MARCKS: variants seen among roughly 807,000 people sequenced by gnomAD.
The protein encoded by MARCKS is myristoylated alanine-rich C-kinase substrate.
A neutral mutation model predicts 6.3 loss-of-function variants in MARCKS; 4 were observed. That is an observed-to-expected ratio of 0.63 (90% CI 0.31 to 1.45). The LOEUF (loss-of-function observed/expected upper bound fraction) is 1.45. Ranked by LOEUF, MARCKS falls within the 40% of genes most tolerant of loss-of-function variation. MARCKS has a pLI of 0.07. For missense variants in MARCKS, 636 were observed against 485.7 expected (o/e 1.31, Z -2.91); for synonymous variants, 289 against 236.5 (o/e 1.22, Z -2.04).
At position 113,862,416 on chromosome 6, in the gene MARCKS, C is replaced by CTTTTTT. The variant is rs57774858; in HGVS notation, c.*1850_*1855dup. The CTTTTTT allele has an allele frequency of 9.5e-6, 1 of 105,546 alleles. No individual in the cohort carries two copies. Among genetic ancestry groups the CTTTTTT allele is most frequent in the South Asian group, 3.0e-4 (1 of 3,356 alleles). The allele number at this position is 105,546 out of a possible 1,614,324, so 6.5% of individuals were successfully genotyped here. ...GGCCTTTAGCATAGTTTTAAGCATC[C>CTTTTTT]TTTTTTTTTTTTTTTTTTGAAAGTG... On this transcript the variant is annotated 3_prime_UTR_variant, in exon 2 of 2. Transcript: ENST00000612661.
At position 113,860,735 on chromosome 6, in the gene MARCKS, GTTGTT is replaced by G. The variant is rs1774888120; in HGVS notation, c.*159_*163del. 1.4e-5 allele frequency: 6 copies of G among 420,014 alleles called. No individual in the cohort carries two copies. In the Admixed American group the frequency reaches 1.8e-4, roughly 13 times the overall value. 26.0% of individuals were successfully genotyped at this position (420,014 alleles called of 1,614,324 possible). A position where few individuals can be genotyped will look rare whatever the true frequency, so the allele number is the denominator to read the frequency against. On this transcript the variant is annotated 3_prime_UTR_variant, in exon 2 of 2. Coordinates refer to ENST00000612661, the MANE Select transcript of MARCKS (RefSeq NM_002356.7). ...TACTTTTTTTTAAGCACCAAATTTT[GTTGTT>G]TTTTTTTTTTCTCCCCTCCCCACAG...
Position 113,860,160 on chromosome 6 carries a change from G to A in MARCKS, c.580G>A (p.Asp194Asn), listed in dbSNP as rs750659608. 187 of 1,386,140 alleles carry A rather than the reference G, an allele frequency of 1.3e-4. No individual in the cohort carries two copies. The highest frequency in any genetic ancestry group is 1.8e-4 in the South Asian group (12 of 64,880). The allele number at this position is 1,386,140 out of a possible 1,614,324, so 85.9% of individuals were successfully genotyped here. ...AEAPAAEGGK[D>N]EAAGGAAAAA... Reference sequence around the variant, plus strand: ...GGCGCCCGCTGCCGAAGGCGGCAAGGACGAGGCCGCCGGGGGCGCAGCTGC... The same window carrying A: ...GGCGCCCGCTGCCGAAGGCGGCAAGAACGAGGCCGCCGGGGGCGCAGCTGC... The change falls in exon 2 of 2, where the codon GAC becomes AAC. Residue 194 changes from aspartate (D) to asparagine (N), a missense_variant. Transcript: ENST00000612661.
At position 113,859,804 on chromosome 6, in the gene MARCKS, C is replaced by T; in HGVS notation, c.224C>T (p.Ala75Val). 2 of 1,363,124 alleles carry T rather than the reference C, an allele frequency of 1.5e-6. No individual in the cohort carries two copies. The highest frequency in any genetic ancestry group is 1.7e-5 in the South Asian group (1 of 58,464). The allele number at this position is 1,363,124 out of a possible 1,614,324, so 84.4% of individuals were successfully genotyped here. A position where few individuals can be genotyped will look rare whatever the true frequency, so the allele number is the denominator to read the frequency against. Reference sequence around the variant, plus strand: ...GCCGACAAGGAGGAGCCCGCGGCCGCCGGGAGCGGGGCGGCGTCGCCCTCC... The same window carrying T: ...GCCGACAAGGAGGAGCCCGCGGCCGTCGGGAGCGGGGCGGCGTCGCCCTCC... ...PAADKEEPAA[A>V]GSGAASPSAA... The change falls in exon 2 of 2, where the codon GCC becomes GTC. Residue 75 changes from alanine (A) to valine (V), a missense_variant. Ala to Val is a moderately conservative substitution (Grantham distance 64). Transcript: ENST00000612661.
chr6:113,860,471 C>A lies in MARCKS; in HGVS notation c.891C>A (p.Pro297=). 4.2e-6 allele frequency: 6 copies of A among 1,440,872 alleles called. No individual in the cohort carries two copies. Among genetic ancestry groups the A allele is most frequent in the Non-Finnish European group, 5.5e-6 (6 of 1,088,758 alleles). 89.3% of individuals were successfully genotyped at this position (1,440,872 alleles called of 1,614,324 possible). A position where few individuals can be genotyped will look rare whatever the true frequency, so the allele number is the denominator to read the frequency against. The part of the protein sequence containing the change: ...PGAPPEQEAA[P]AEEPAAAAAS... ...CGCCCCCGGAGCAGGAGGCAGCCCC[C>A]GCGGAGGAGCCCGCGGCCGCCGCAG... Residue 297 remains proline, a synonymous_variant, in exon 2 of 2, where the codon CCC becomes CCA. Coordinates refer to ENST00000612661, the MANE Select transcript of MARCKS (RefSeq NM_002356.7).
chr6:113,860,145 G>T lies in MARCKS; in HGVS notation c.565G>T (p.Ala189Ser), dbSNP rs1240071483. ...GEGGEAEAPAAEGGKDEAAGG... is the reference protein window; with the variant it reads ...GEGGEAEAPASEGGKDEAAGG... ...AGGCGGTGAGGCTGAGGCGCCCGCT[G>T]CCGAAGGCGGCAAGGACGAGGCCGC... Residue 189 changes from alanine to serine, a missense_variant, in exon 2 of 2, where the codon GCC becomes TCC. Physicochemically the swap from Ala to Ser is moderately conservative, Grantham distance 99. Coordinates refer to ENST00000612661, the MANE Select transcript of MARCKS (RefSeq NM_002356.7). 2.1e-6 allele frequency: 3 copies of T among 1,459,870 alleles called. No homozygotes were observed. In the South Asian group the frequency reaches 3.9e-5, roughly 19 times the overall value. The allele number at this position is 1,459,870 out of a possible 1,614,324, so 90.4% of individuals were successfully genotyped here.
Position 113,860,730 on chromosome 6 carries a change from A to AT in MARCKS, c.*155dup. 1 of 477,806 alleles carries AT rather than the reference A, an allele frequency of 2.1e-6. No individual in the cohort carries two copies. The highest frequency in any genetic ancestry group is 3.4e-6 in the Non-Finnish European group (1 of 293,910). 29.6% of individuals were successfully genotyped at this position (477,806 alleles called of 1,614,324 possible). On this transcript the variant is annotated 3_prime_UTR_variant, in exon 2 of 2. Transcript: ENST00000612661. ...TATTTTACTTTTTTTTAAGCACCAA[A>AT]TTTTGTTGTTTTTTTTTTTTCTCCC... is the stretch of plus-strand genomic sequence containing the variant.
At chr6:113,859,221 C>T (rs934358247) in intron 1 of MARCKS, among the ~76,000 whole-genome samples, 2 of 152,198 alleles carry the variant, frequency 1.3e-5, no homozygotes, top group Non-Finnish European at 2.9e-5. Context: ...TTTGAAGAGG[C>T]CTTTATGTAT....
At chr6:113,859,049 C>G (rs952697264) in intron 1 of MARCKS, among the ~76,000 whole-genome samples, 7 of 152,030 alleles carry the variant, frequency 4.6e-5, no homozygotes, top group Non-Finnish European at 7.4e-5. Flanking sequence ...CGGGGTGGCC[C>G]GGCGACTCCG....
chr6:113,863,218 T>C lies in MARCKS; in HGVS notation c.*2639T>C, dbSNP rs45448797. The stretch of plus-strand genomic sequence containing the variant: ...GATTAAATGAAATTTGACGTATCTT[T>C]TCATCCAAAGTTTTGTACATCATGT... On this transcript the variant is annotated 3_prime_UTR_variant, in exon 2 of 2. Coordinates refer to ENST00000612661, the MANE Select transcript of MARCKS (RefSeq NM_002356.7). 128 of 152,344 alleles carry C rather than the reference T, an allele frequency of 8.4e-4. 1 individual carries two copies. The highest frequency in any genetic ancestry group is 3.0e-3 in the African/African-American group (124 of 41,594). 9.4% of individuals were successfully genotyped at this position (152,344 alleles called of 1,614,324 possible).
chr6:113,860,489 C>T lies in MARCKS; in HGVS notation c.909C>T (p.Ala303=). 1 of 1,497,860 alleles carries T rather than the reference C, an allele frequency of 6.7e-7. No homozygotes were observed. The highest frequency in any genetic ancestry group is 1.8e-4 in the Middle Eastern group (1 of 5,564). The allele number at this position is 1,497,860 out of a possible 1,614,324, so 92.8% of individuals were successfully genotyped here. The change falls in exon 2 of 2, where the codon GCC becomes GCT. Residue 303 remains alanine, a synonymous_variant. Coordinates refer to ENST00000612661, the MANE Select transcript of MARCKS (RefSeq NM_002356.7). ...QEAAPAEEPA[A]AAASSACAAP... is the part of the protein sequence containing the mutation. ...CAGCCCCCGCGGAGGAGCCCGCGGC[C>T]GCCGCAGCCTCGTCAGCCTGCGCAG...
In MARCKS at chr6:113,859,856, C is replaced by T. The variant is rs1049703185; in HGVS notation, c.276C>T (p.Ala92=). The change falls in exon 2 of 2, where the codon GCC becomes GCT. Residue 92 remains alanine (A), a synonymous_variant. Coordinates refer to ENST00000612661, the MANE Select transcript of MARCKS (RefSeq NM_002356.7). ...PSAAEKGEPA[A]AAAPEAGASP... is the part of the protein sequence containing the mutation. ...CGGCCGAGAAAGGTGAGCCGGCCGCCGCCGCTGCCCCCGAGGCCGGGGCCA... is the reference window on the plus strand; with the variant it reads ...CGGCCGAGAAAGGTGAGCCGGCCGCTGCCGCTGCCCCCGAGGCCGGGGCCA... 1.6e-5 allele frequency: 21 copies of T among 1,306,896 alleles called. No individual in the cohort carries two copies. Among genetic ancestry groups the T allele is most frequent in the Admixed American group, 1.2e-4 (3 of 24,368 alleles). The allele number at this position is 1,306,896 out of a possible 1,614,324, so 81.0% of individuals were successfully genotyped here. A position where few individuals can be genotyped will look rare whatever the true frequency, so the allele number is the denominator to read the frequency against.
Position 113,859,907 on chromosome 6 carries a change from G to T in MARCKS, c.327G>T (p.Ala109=). 6.9e-7 allele frequency: 1 copy of T among 1,449,902 alleles called. No homozygotes were observed. Among genetic ancestry groups the T allele is most frequent in the Non-Finnish European group, 9.1e-7 (1 of 1,104,756 alleles). The allele number at this position is 1,449,902 out of a possible 1,614,324, so 89.8% of individuals were successfully genotyped here. ...GASPVEKEAP[A]EGEAAEPGSP... ...GCCCGGTAGAGAAGGAGGCCCCCGC[G>T]GAAGGCGAGGCTGCCGAGCCCGGCT... Residue 109 remains alanine (A), a synonymous_variant, in exon 2 of 2, where the codon GCG becomes GCT. Transcript: ENST00000612661.
At chr6:113,858,759 T>G (rs1194197665) in intron 1 of MARCKS, among the ~76,000 whole-genome samples, 1 of 152,184 alleles carries the variant, frequency 6.6e-6, no homozygotes, top group Middle Eastern at 3.2e-3. Flanking sequence ...CTTCGCCTGC[T>G]CTAACCTACT....
At position 113,857,597 on chromosome 6, in the gene MARCKS, A is replaced by ACCACCC. The variant is rs45522234; in HGVS notation, c.-140_-135dup. The stretch of plus-strand genomic sequence containing the variant: ...TAATCGGTTCTGTTCTGTCCTCTCC[A>ACCACCC]CCACCCCCACCCCCCTCCCTCCGGT... On this transcript the variant is annotated 5_prime_UTR_variant, in exon 1 of 2. Transcript: ENST00000612661. The ACCACCC allele has an allele frequency of 3.3e-5, 7 of 214,028 alleles. No individual in the cohort carries two copies. The highest frequency in any genetic ancestry group is 1.5e-4 in the African/African-American group (3 of 20,616). 13.3% of individuals were successfully genotyped at this position (214,028 alleles called of 1,614,324 possible).
rs1774895037 is a variant in MARCKS, at chr6:113,861,090, A to ATTG, written c.*511_*512insTTG. 1 of 93,296 alleles carries ATTG rather than the reference A, an allele frequency of 1.1e-5. No homozygotes were observed. The highest frequency in any genetic ancestry group is 2.3e-5 in the Non-Finnish European group (1 of 42,892). The allele number at this position is 93,296 out of a possible 1,614,324, so 5.8% of individuals were successfully genotyped here. On this transcript the variant is annotated 3_prime_UTR_variant, in exon 2 of 2. Transcript: ENST00000612661. ...AAAGGCTGTCTTTTTTTTTTTTTTA[A>ATTG]AAGAAAAGTTATTACCATGTATTTT...
intron 1 of MARCKS, among the ~76,000 whole-genome samples, chr6:113,858,829 G>A (rs1774829867): frequency 6.6e-6 from 1 of 152,260 alleles, no homozygotes; most frequent in South Asian, 2.1e-4. Context: ...ATGAGCCGCC[G>A]AGGCGCGCCC....
rs1269615092 is a variant in MARCKS, at chr6:113,862,380, G to A, written c.*1801G>A. The stretch of plus-strand genomic sequence containing the variant: ...AAAGTAATGGTGTTGAATGGATGAT[G>A]TCAGTTCATGGGCCTTTAGCATAGT... On this transcript the variant is annotated 3_prime_UTR_variant, in exon 2 of 2. Transcript: ENST00000612661. 1 of 148,648 alleles carries A rather than the reference G, an allele frequency of 6.7e-6. No individual in the cohort carries two copies. Among genetic ancestry groups the A allele is most frequent in the Non-Finnish European group, 1.5e-5 (1 of 67,404 alleles). The allele number at this position is 148,648 out of a possible 1,614,324, so 9.2% of individuals were successfully genotyped here.
rs1399016924 is a variant in MARCKS at position 113,860,578 on chromosome 6, A to G, written c.998A>G (p.Ter333=). 8.4e-6 allele frequency: 13 copies of G among 1,550,054 alleles called. No homozygotes were observed. Among genetic ancestry groups the G allele is most frequent in the South Asian group, 1.2e-5 (1 of 85,150 alleles). ...PEAPPAEAAE[*] Reference sequence around the variant, plus strand: ...GCCCCCCCAGCGGAGGCGGCAGAGTAAAAGAGCAAGCTTTTGTGAGATAAT... The same window carrying G: ...GCCCCCCCAGCGGAGGCGGCAGAGTGAAAGAGCAAGCTTTTGTGAGATAAT... Residue 333 remains the stop codon, a stop_retained_variant, in exon 2 of 2, where the codon TAA becomes TGA. Coordinates refer to ENST00000612661, the MANE Select transcript of MARCKS (RefSeq NM_002356.7).
At position 113,860,221 on chromosome 6, in the gene MARCKS, A is replaced by G. The variant is rs1300064055; in HGVS notation, c.641A>G (p.Gln214Arg). ...AAEAGAASGE[Q>R]AAAPGEEAAA... ...GAGGCGGGCGCGGCCTCCGGGGAGC[A>G]GGCAGCGGCGCCGGGCGAGGAGGCG... is the stretch of plus-strand genomic sequence containing the variant. The change falls in exon 2 of 2, where the codon CAG becomes CGG. Residue 214 changes from glutamine to arginine, a missense_variant. Gln to Arg is a conservative substitution (Grantham distance 43). Coordinates refer to ENST00000612661, the MANE Select transcript of MARCKS (RefSeq NM_002356.7). The G allele has an allele frequency of 1.0e-5, 11 of 1,084,962 alleles. No individual in the cohort carries two copies. The highest frequency in any genetic ancestry group is 1.2e-5 in the Non-Finnish European group (11 of 890,090). The allele number at this position is 1,084,962 out of a possible 1,614,324, so 67.2% of individuals were successfully genotyped here.
Sources: gnomAD v4.1 joint callset for allele counts (sites outside exome capture counted in the v4.1 genomes callset) on GRCh38, gnomAD v4.1.1 for gene constraint, MANE v1.5 for transcripts, NCBI Gene and HGNC (gene_info 2026-07-23, HGNC 2026-07-21) for gene names.